The following FIGNL2 variants were observed in gnomAD, a reference collection of about 807,000 sequenced individuals.
FIGNL2 encodes the protein fidgetin-like protein 2.
For missense variants in FIGNL2, 1,060 were observed against 950.2 expected (o/e 1.12, Z -1.52); for synonymous variants, 565 against 484.0 (o/e 1.17, Z -2.20).
chr12:51,833,526 A>T (rs1939510424), intron 1 of FIGNL2, among the ~76,000 whole-genome samples: 1 of 152,118 alleles, frequency 6.6e-6, no homozygotes, highest in Non-Finnish European at 1.5e-5. Flanking sequence ...CAGGGTCCTC[A>T]TGGTCGGCTT....
At position 51,820,539 on chromosome 12, in the gene FIGNL2, C is replaced by T. The variant is rs1408382809; in HGVS notation, c.1875G>A (p.Ala625=). 11 of 1,549,758 alleles carry T rather than the reference C, an allele frequency of 7.1e-6. No homozygotes were observed. The highest frequency in any genetic ancestry group is 1.2e-5 in the South Asian group (1 of 85,076). ...QRPLSYKDLE[A]ALAKVGPRAS... ...CCCTAGGGCCCACCTTGGCCAGCGCCGCCTCCAGGTCCTTGTAGGAGAGGG... is the reference window on the plus strand; with the variant it reads ...CCCTAGGGCCCACCTTGGCCAGCGCTGCCTCCAGGTCCTTGTAGGAGAGGG... The change falls in exon 2 of 2, where the codon GCG becomes GCA. Residue 625 remains alanine, a synonymous_variant. Coordinates refer to ENST00000618634, the MANE Select transcript of FIGNL2 (RefSeq NM_001384995.1).
chr12:51,824,023 A>G (rs955882262), intron 1 of FIGNL2: 2 of 152,220 alleles, frequency 1.3e-5, no homozygotes, highest in Admixed American at 6.5e-5. Flanking sequence ...CCCAGATCAC[A>G]AGAACAACAC....
chr12:51,844,715 C>T (rs1939714921), intron 1 of FIGNL2: 1 of 985,280 alleles, frequency 1.0e-6, no homozygotes, highest in East Asian at 1.1e-4. Flanking sequence ...GCCACTTGTT[C>T]CTGGAGACAA....
At chr12:51,828,884 A>G (rs890317347) in intron 1 of FIGNL2, among the ~76,000 whole-genome samples, 2 of 152,228 alleles carry the variant, frequency 1.3e-5, no homozygotes, top group Non-Finnish European at 2.9e-5. Flanking sequence ...CATTAGAAAC[A>G]CAAATAAATT....
intron 1 of FIGNL2, among the ~76,000 whole-genome samples, chr12:51,825,618 T>A (rs1456343271): frequency 4.6e-5 from 6 of 129,432 alleles, no homozygotes; most frequent in African/African-American, 1.1e-4. Context: ...TCCATGACAC[T>A]CTTTTTTTTT....
At chr12:51,843,299 G>A (rs1037803106) in intron 1 of FIGNL2, among the ~76,000 whole-genome samples, 4 of 152,050 alleles carry the variant, frequency 2.6e-5, no homozygotes, top group Non-Finnish European at 4.4e-5. Context: ...CACTTTGGGA[G>A]GCTGAGATGG....
intron 1 of FIGNL2, among the ~76,000 whole-genome samples, chr12:51,834,101 A>G (rs112237904): frequency 9.0e-6 from 1 of 110,592 alleles, no homozygotes; most frequent in Non-Finnish European, 1.9e-5. Context: ...GGATGGGTGG[A>G]TGGATGGTTG....
intron 1 of FIGNL2, among the ~76,000 whole-genome samples, chr12:51,833,358 T>C (rs1481284779): frequency 1.3e-5 from 2 of 152,120 alleles, no homozygotes; most frequent in East Asian, 3.9e-4. Flanking sequence ...TGGCCTCACT[T>C]CCATCTCACC....
chr12:51,840,317 G>A (rs1472356878), intron 1 of FIGNL2, among the ~76,000 whole-genome samples: 1 of 152,250 alleles, frequency 6.6e-6, no homozygotes, highest in Non-Finnish European at 1.5e-5. Flanking sequence ...AGAGATGGAG[G>A]ATGAGGCCAG....
At chr12:51,843,408 C>T (rs1431226641) in intron 1 of FIGNL2, among the ~76,000 whole-genome samples, 7 of 151,188 alleles carry the variant, frequency 4.6e-5, no homozygotes, top group East Asian at 3.9e-4. Flanking sequence ...ATTAGCTGGG[C>T]GTGGTGGCAT....
chr12:51,821,847 C>T lies in FIGNL2; in HGVS notation c.567G>A (p.Gln189=). 5 of 1,291,640 alleles carry T rather than the reference C, an allele frequency of 3.9e-6. No homozygotes were observed. The highest frequency in any genetic ancestry group is 4.9e-6 in the Non-Finnish European group (5 of 1,023,168). 80.0% of individuals were successfully genotyped at this position (1,291,640 alleles called of 1,614,324 possible). ...GCCCGTACCCCGGAGGCGGTGGGGG[C>T]TGCAGGAGCGCGGCCGGGGGCGGCG... The part of the protein sequence containing the change: ...LPPPPPAALL[Q]PPPPPGYGPS... The change falls in exon 2 of 2, where the codon CAG becomes CAA. Residue 189 remains glutamine, a synonymous_variant. Transcript: ENST00000618634.
chr12:51,839,235 G>C (rs1486346767), intron 1 of FIGNL2, among the ~76,000 whole-genome samples: 1 of 152,102 alleles, frequency 6.6e-6, no homozygotes, highest in Non-Finnish European at 1.5e-5. Flanking sequence ...GAGAATCTTA[G>C]GACCCTCTGG....
intron 1 of FIGNL2, among the ~76,000 whole-genome samples, chr12:51,839,315 A>G (rs969997133): frequency 1.3e-5 from 2 of 152,116 alleles, no homozygotes; most frequent in Admixed American, 6.6e-5. Context: ...TCCCGATTCC[A>G]TCTCTTCAGC....
intron 1 of FIGNL2, among the ~76,000 whole-genome samples, chr12:51,843,908 C>G (rs1939703503): frequency 6.6e-6 from 1 of 151,834 alleles, no homozygotes; most frequent in African/African-American, 2.4e-5. Flanking sequence ...ACCACCGCCT[C>G]TACAATTTTT....
chr12:51,841,024 A>C (rs927513909), intron 1 of FIGNL2, among the ~76,000 whole-genome samples: 2 of 152,206 alleles, frequency 1.3e-5, no homozygotes, highest in African/African-American at 4.8e-5. Flanking sequence ...AGGCCTTACC[A>C]AAGGCGAGGA....
Position 51,820,461 on chromosome 12 carries a change from G to C in FIGNL2, c.1953C>G (p.Ser651=). 1 of 1,589,170 alleles carries C rather than the reference G, an allele frequency of 6.3e-7. No homozygotes were observed. Among genetic ancestry groups the C allele is most frequent in the African/African-American group, 1.3e-5 (1 of 74,708 alleles). Residue 651 remains serine (S), a synonymous_variant, in exon 2 of 2, where the codon TCC becomes TCG. Coordinates refer to ENST00000618634, the MANE Select transcript of FIGNL2 (RefSeq NM_001384995.1). ...CCTCCCCCGCGCGCCGTCAGTGTCC[G>C]GAGCCGTACATTTTGTCCCACTCCA... ...SFVEWDKMYG[S]GH
At chr12:51,848,512 C>G in intron 1 of FIGNL2, 28 bp downstream of exon 1, 1 of 984,204 alleles carries the variant, frequency 1.0e-6, no homozygotes, top group Non-Finnish European at 1.2e-6. Context: ...TCCCCCCGCC[C>G]CATCCCGGCC....
intron 1 of FIGNL2, among the ~76,000 whole-genome samples, chr12:51,831,342 G>A (rs1218828764): frequency 5.9e-5 from 9 of 152,168 alleles, no homozygotes; most frequent in South Asian, 2.1e-4. Context: ...GTCCCAGCTC[G>A]GAGGCTCCAG....
At chr12:51,846,130 C>T (rs1416069436) in intron 1 of FIGNL2, among the ~76,000 whole-genome samples, 1 of 152,232 alleles carries the variant, frequency 6.6e-6, no homozygotes, top group East Asian at 1.9e-4. Flanking sequence ...ATTTATGGAG[C>T]ACCCACAAGG....
Sources: gnomAD v4.1 joint callset for allele counts (sites outside exome capture counted in the v4.1 genomes callset) on GRCh38, gnomAD v4.1.1 for gene constraint, MANE v1.5 for transcripts, NCBI Gene and HGNC (gene_info 2026-07-23, HGNC 2026-07-21) for gene names.